PREX1: variants seen among roughly 807,000 people sequenced by gnomAD.
The protein encoded by PREX1 is phosphatidylinositol 3,4,5-trisphosphate-dependent Rac exchanger 1 protein.
A neutral mutation model predicts 198.3 loss-of-function variants in PREX1; 41 were observed. The ratio of observed to expected loss-of-function variants is 0.21; its 90% CI spans 0.16 to 0.27. The LOEUF (loss-of-function observed/expected upper bound fraction) is 0.27. PREX1 is among the 10% of genes least tolerant of loss of function. The pLI, the probability that PREX1 is intolerant of heterozygous loss-of-function variation, is 1.00. For synonymous variants in PREX1, 843 were observed against 887.2 expected (o/e 0.95, Z 0.89); for missense variants, 1,620 against 2,200.7 (o/e 0.74, Z 5.28).
chr20:48,699,115 T>C (rs2089861830), intron 7 of PREX1, among the ~76,000 whole-genome samples: 1 of 152,180 alleles, frequency 6.6e-6, no homozygotes, highest in African/African-American at 2.4e-5. Context: ...CATCCATTAC[T>C]CATCCAGTGG....
intron 5 of PREX1, among the ~76,000 whole-genome samples, chr20:48,709,951 T>G (rs984387902): frequency 6.6e-6 from 1 of 152,218 alleles, no homozygotes; most frequent in South Asian, 2.1e-4. Flanking sequence ...GGTCCTAAGA[T>G]TCCCAAGGCC....
At position 48,747,825 on chromosome 20, in the gene PREX1, G is replaced by A; in HGVS notation, c.275C>T (p.Thr92Met). 3.7e-6 allele frequency: 6 copies of A among 1,613,302 alleles called. No homozygotes were observed. Among genetic ancestry groups the A allele is most frequent in the Non-Finnish European group, 5.1e-6 (6 of 1,179,626 alleles). The change falls in exon 2 of 40, where the codon ACG becomes ATG. Residue 92 changes from threonine to methionine, a missense_variant. By Grantham distance (81) the Thr-to-Met change is moderately conservative. Transcript: ENST00000371941. ...CGTCCACACCTTGACATTCTCCTCC[G>A]TGAGGCCCTTCTCCACTGAGTCGGC... ...NVADSVEKGL[T>M]EENVKVLFSN... is the part of the protein sequence containing the mutation.
At chr20:48,741,941 G>A (rs530764232) in intron 3 of PREX1, among the ~76,000 whole-genome samples, 115 of 152,294 alleles carry the variant, frequency 7.6e-4, no homozygotes, top group African/African-American at 2.5e-3. Context: ...AGGGCCTGGC[G>A]GGCTGTGGGG....
Position 48,755,796 on chromosome 20 carries a change from G to C in PREX1, c.220-7916C>G, listed in dbSNP as rs749103899. Among the ~76,000 whole-genome samples the C allele has an allele frequency of 1.4e-4, 21 of 152,296 alleles. No homozygotes were observed. In the Middle Eastern group the frequency reaches 0.01, roughly 74 times the overall value. On this transcript the variant is annotated intron_variant, in intron 1 of 39. Transcript: ENST00000371941. Reference sequence around the variant, plus strand: ...CAAGCCACTGAACCTAATCCTAACTGACAGAGGGGCATTCTAAAGAATTTC... The same window carrying C: ...CAAGCCACTGAACCTAATCCTAACTCACAGAGGGGCATTCTAAAGAATTTC...
At chr20:48,716,916 C>A (rs1178273096) in intron 5 of PREX1, among the ~76,000 whole-genome samples, 2 of 152,210 alleles carry the variant, frequency 1.3e-5, no homozygotes, top group African/African-American at 4.8e-5. Context: ...GGAAACACAG[C>A]AGGACATGGA....
chr20:48,833,214 A>C, the PREX1 span, among the ~76,000 whole-genome samples: 1 of 152,160 alleles, frequency 6.6e-6, no homozygotes, highest in African/African-American at 2.4e-5. Flanking sequence ...TAAGTGGATG[A>C]AGCCATGATG....
intron 5 of PREX1, among the ~76,000 whole-genome samples, chr20:48,723,386 G>T (rs954677952): frequency 2.0e-5 from 3 of 152,328 alleles, no homozygotes; most frequent in South Asian, 4.1e-4. Flanking sequence ...CCGGAGGTGG[G>T]GGGGACAGAA....
chr20:48,705,027 A>G (rs2089896468), intron 6 of PREX1, among the ~76,000 whole-genome samples: 1 of 152,210 alleles, frequency 6.6e-6, no homozygotes, highest in Non-Finnish European at 1.5e-5. Flanking sequence ...TAAATAAATA[A>G]AGAGATCCCA....
In PREX1 at chr20:48,650,104, T is replaced by C. The variant is rs2089481490; in HGVS notation, c.2920A>G (p.Ile974Val). 6.2e-7 allele frequency: 1 copy of C among 1,613,954 alleles called. No individual in the cohort carries two copies. Among genetic ancestry groups the C allele is most frequent in the African/African-American group, 1.3e-5 (1 of 74,924 alleles). The change falls in exon 24 of 40, where the codon ATC (isoleucine) becomes GTC (valine). Residue 974 changes from isoleucine (I) to valine (V), a missense_variant. By Grantham distance (29) the Ile-to-Val change is conservative. Transcript: ENST00000371941. The part of the protein sequence containing the change: ...GLDFCPTNCH[I>V]NLMEVSYPKT... ...GGGTAGGACACTTCCATGAGGTTGA[T>C]GTGGCAATTGGTGGGGCAGAAGTCC...
the PREX1 span, among the ~76,000 whole-genome samples, chr20:48,875,098 C>T: frequency 6.6e-6 from 1 of 152,150 alleles, no homozygotes; most frequent in Non-Finnish European, 1.5e-5. Context: ...AACGTACTCT[C>T]ACATGAAGTG....
intron 30 of PREX1, among the ~76,000 whole-genome samples, chr20:48,638,899 G>C (rs1229455343): frequency 6.6e-6 from 1 of 152,176 alleles, no homozygotes; most frequent in Admixed American, 6.5e-5. Flanking sequence ...AAGCCCTGGT[G>C]GTCTGGACCC....
At chr20:48,709,692 G>A (rs1206031095) in intron 5 of PREX1, among the ~76,000 whole-genome samples, 3 of 152,142 alleles carry the variant, frequency 2.0e-5, no homozygotes, top group African/African-American at 7.2e-5. Flanking sequence ...TCATGGTTGT[G>A]GTAAGCAATA....
the PREX1 span, among the ~76,000 whole-genome samples, chr20:48,863,566 G>C: frequency 2.1e-5 from 3 of 144,320 alleles, no homozygotes; most frequent in Non-Finnish European, 4.5e-5. Context: ...GCCATATGGT[G>C]TGTAGACTTT....
At chr20:48,803,997 T>C (rs2090398837) in intron 1 of PREX1, among the ~76,000 whole-genome samples, 1 of 152,210 alleles carries the variant, frequency 6.6e-6, no homozygotes, top group Non-Finnish European at 1.5e-5. Context: ...ACAGCACCTA[T>C]CATCCTGTAA....
rs1157535633 is a variant in PREX1 at position 48,745,160 on chromosome 20, G to C, written c.292-13C>G. The C allele has an allele frequency of 6.2e-7, 1 of 1,612,566 alleles. No homozygotes were observed. Among genetic ancestry groups the C allele is most frequent in the African/African-American group, 1.3e-5 (1 of 75,020 alleles). The stretch of plus-strand genomic sequence containing the variant: ...TCGAGAACAGGACCTGTGAGGAAAA[G>C]AGAGGCCAGAGGACAGCGTTAAGGC... On this transcript the variant is annotated splice_polypyrimidine_tract_variant and intron_variant, in intron 2 of 39. Transcript: ENST00000371941.
upstream of PREX1, among the ~76,000 whole-genome samples, chr20:48,828,273 C>T (rs1432326285): frequency 7.9e-5 from 12 of 151,854 alleles, no homozygotes; most frequent in Non-Finnish European, 1.8e-4. Flanking sequence ...TCCGAGGCCG[C>T]GCGCACGCCG....
intron 15 of PREX1, among the ~76,000 whole-genome samples, chr20:48,662,910 G>A (rs1172812689): frequency 6.6e-6 from 1 of 152,232 alleles, no homozygotes; most frequent in Non-Finnish European, 1.5e-5. Flanking sequence ...CGGAATAGCA[G>A]CTGGGGAGGA....
At chr20:48,746,753 T>C (rs1372119228) in intron 2 of PREX1, among the ~76,000 whole-genome samples, 1 of 139,456 alleles carries the variant, frequency 7.2e-6, no homozygotes, top group African/African-American at 2.5e-5. Flanking sequence ...GACTTCTACC[T>C]CATTAAAAAA....
chr20:48,651,243 G>A lies in PREX1; in HGVS notation c.2655+153C>T, dbSNP rs536654392. On this transcript the variant is annotated intron_variant, in intron 22 of 39. Coordinates refer to ENST00000371941, the MANE Select transcript of PREX1 (RefSeq NM_020820.4). Reference sequence around the variant, plus strand: ...ACTCTGCACAGTCCCACGCTACCTAGTGGTGGGACAAGGACCAGAATTCAG... The same window carrying A: ...ACTCTGCACAGTCCCACGCTACCTAATGGTGGGACAAGGACCAGAATTCAG... Among the ~76,000 whole-genome samples, 55 of 152,264 alleles carry A rather than the reference G, an allele frequency of 3.6e-4. 1 individual carries two copies. The highest frequency in any genetic ancestry group is 4.4e-5 in the Non-Finnish European group (3 of 68,044).
Sources: allele counts gnomAD v4.1 joint callset (sites outside exome capture counted in the v4.1 genomes callset), GRCh38; gene constraint gnomAD v4.1.1; transcripts MANE v1.5; gene names NCBI Gene and HGNC (gene_info 2026-07-23, HGNC 2026-07-21).